C14orf180: variants seen among roughly 807,000 people sequenced by gnomAD.
C14orf180 encodes nutritionally-regulated adipose and cardiac enriched protein homolog.
C14orf180 carries 13 observed loss-of-function variants against 13.9 expected under a neutral mutation model. The ratio of observed to expected loss-of-function variants is 0.94; its 90% CI spans 0.61 to 1.49. C14orf180 has a LOEUF of 1.49. C14orf180 is among the 40% of genes most tolerant of loss of function. The pLI, the probability that C14orf180 is intolerant of heterozygous loss-of-function variation, is 0.00. For missense variants in C14orf180, 238 were observed against 232.0 expected (o/e 1.03, Z -0.17); for synonymous variants, 113 against 106.3 (o/e 1.06, Z -0.39).
In C14orf180 at chr14:104,587,840, G is replaced by C. The variant is rs199521419; in HGVS notation, c.203G>C (p.Arg68Pro). The change falls in exon 3 of 5, where the codon CGC becomes CCC. Residue 68 changes from arginine (R) to proline (P), a missense_variant. Coordinates refer to ENST00000557649, the MANE Select transcript of C14orf180 (RefSeq NM_001008404.3). The part of the protein sequence containing the change: ...PEAKPQRTSR[R>P]VWFREPPAVT... ...GCCAAGCCCCAGAGGACCTCGAGGCGCGTGTGGTTCCGAGAACCCCCAGCG... is the reference window on the plus strand; with the variant it reads ...GCCAAGCCCCAGAGGACCTCGAGGCCCGTGTGGTTCCGAGAACCCCCAGCG... 2 of 1,611,036 alleles carry C rather than the reference G, an allele frequency of 1.2e-6. No homozygotes were observed. Among genetic ancestry groups the C allele is most frequent in the Admixed American group, 3.4e-5 (2 of 59,696 alleles).
rs1337341016 is a variant in C14orf180, at chr14:104,589,139, C to T, written c.*356C>T. 6.5e-6 allele frequency: 3 copies of T among 464,922 alleles called. No individual in the cohort carries two copies. The highest frequency in any genetic ancestry group is 4.6e-5 in the South Asian group (1 of 21,762). 28.8% of individuals were successfully genotyped at this position (464,922 alleles called of 1,614,324 possible). A position where few individuals can be genotyped will look rare whatever the true frequency, so the allele number is the denominator to read the frequency against. ...CTGCTGCTGCTAGGGCCTGGCCCGG[C>T]CATCACCGTGTGCACCCTCTTGAGG... On this transcript the variant is annotated 3_prime_UTR_variant, in exon 5 of 5. Transcript: ENST00000557649. The surrounding 1 kb of genome is among the most constrained non-coding windows in gnomAD (Gnocchi z 4.9).
intron 1 of C14orf180, among the ~76,000 whole-genome samples, chr14:104,582,519 C>A: frequency 6.6e-6 from 1 of 152,192 alleles, no homozygotes; most frequent in African/African-American, 2.4e-5. Flanking sequence ...CCACCTCCCA[C>A]CAGCAGTACG....
intron 1 of C14orf180, among the ~76,000 whole-genome samples, chr14:104,581,777 T>A (rs1886444384): frequency 6.6e-6 from 1 of 151,994 alleles, no homozygotes; most frequent in South Asian, 2.1e-4. Flanking sequence ...AGCTCCCAAG[T>A]GAGTTGCCCT....
rs1399160940 is a variant in C14orf180 at position 104,588,727 on chromosome 14, G to C, written c.427G>C (p.Val143Leu). 2 of 1,535,874 alleles carry C rather than the reference G, an allele frequency of 1.3e-6. No individual in the cohort carries two copies. The highest frequency in any genetic ancestry group is 1.7e-6 in the Non-Finnish European group (2 of 1,146,460). Reference sequence around the variant, plus strand: ...CCTGCGGGCCCGGCTCCTCGGCCTTGTCCTGCACCTGCGGCACGTGGCCCT... The same window carrying C: ...CCTGCGGGCCCGGCTCCTCGGCCTTCTCCTGCACCTGCGGCACGTGGCCCT... ...EDLRARLLGL[V>L]LHLRHVALTC... The change falls in exon 5 of 5, where the codon GTC becomes CTC. Residue 143 changes from valine to leucine, a missense_variant. Transcript: ENST00000557649.
intron 4 of C14orf180, 109 bp downstream of exon 4, chr14:104,588,418 C>T (rs1886712387): frequency 2.6e-6 from 4 of 1,541,562 alleles, no homozygotes; most frequent in Non-Finnish European, 3.6e-6. Context: ...CTAAGGAGTC[C>T]CCAGTTGGGG....
At position 104,587,228 on chromosome 14, in the gene C14orf180, A is replaced by G. The variant is rs142628346; in HGVS notation, c.112-521A>G. 5.8e-3 allele frequency among the ~76,000 whole-genome samples: 882 copies of G among 152,294 alleles called. 9 individuals are homozygous for G. The highest frequency in any genetic ancestry group is 0.02 in the African/African-American group (847 of 41,554). ...GGCCCATACACGTGAGCAGACCAGC[A>G]GAGAAAGGGCCCAGGTAGGCAAATG... On this transcript the variant is annotated intron_variant, in intron 2 of 4. Coordinates refer to ENST00000557649, the MANE Select transcript of C14orf180 (RefSeq NM_001008404.3).
At chr14:104,580,958 C>T (rs1345537758) in intron 1 of C14orf180, among the ~76,000 whole-genome samples, 1 of 152,240 alleles carries the variant, frequency 6.6e-6, no homozygotes, top group African/African-American at 2.4e-5. Flanking sequence ...TGTGAGGGCC[C>T]ATCTAGGCAT....
intron 1 of C14orf180, among the ~76,000 whole-genome samples, chr14:104,583,978 C>T (rs1322678241): frequency 1.3e-5 from 2 of 152,168 alleles, no homozygotes; most frequent in African/African-American, 4.8e-5. Context: ...CTCTGACACA[C>T]GTGCCCACTC....
At chr14:104,586,323 C>A in intron 1 of C14orf180, 92 bp from the exon 2 acceptor site, 2 of 898,336 alleles carry the variant, frequency 2.2e-6, no homozygotes, top group Non-Finnish European at 3.2e-6. Context: ...GCCAGCCTGG[C>A]TTCCAGGAAA....
chr14:104,580,738 G>A (rs967331484), intron 1 of C14orf180, among the ~76,000 whole-genome samples: 16 of 92,590 alleles, frequency 1.7e-4, no homozygotes, highest in Non-Finnish European at 2.5e-4. Context: ...AGCACTGGAC[G>A]CCACGCCATT....
rs538979526 is a variant in C14orf180, at chr14:104,586,468, G to A, written c.38G>A (p.Arg13Gln). ...TAAGAVSPDSRPETRRQTRKN... is the reference protein window; with the variant it reads ...TAAGAVSPDSQPETRRQTRKN... ...GCAGGAGCCGTGAGCCCTGACTCCC[G>A]GCCAGAGACACGACGTCAGACCAGA... Residue 13 changes from arginine to glutamine, a missense_variant, in exon 2 of 5, where the codon CGG (arginine) becomes CAG (glutamine). Transcript: ENST00000557649. 17 of 1,549,510 alleles carry A rather than the reference G, an allele frequency of 1.1e-5. No individual in the cohort carries two copies. The highest frequency in any genetic ancestry group is 7.2e-5 in the South Asian group (6 of 83,176).
Position 104,587,807 on chromosome 14 carries a change from G to T in C14orf180, c.170G>T (p.Arg57Leu), listed in dbSNP as rs772655925. ...AAACGGAGCCGGCCGGAGCACCACC[G>T]CCCAGAGGCCAAGCCCCAGAGGACC... is the stretch of plus-strand genomic sequence containing the variant. ...ILKRSRPEHHRPEAKPQRTSR... is the reference protein window; with the variant it reads ...ILKRSRPEHHLPEAKPQRTSR... The change falls in exon 3 of 5, where the codon CGC (arginine) becomes CTC (leucine). Residue 57 changes from arginine to leucine, a missense_variant. By Grantham distance (102) the Arg-to-Leu change is moderately radical. Transcript: ENST00000557649. 1 of 1,612,388 alleles carries T rather than the reference G, an allele frequency of 6.2e-7. No individual in the cohort carries two copies. Among genetic ancestry groups the T allele is most frequent in the South Asian group, 1.1e-5 (1 of 90,748 alleles).
rs1403782341 is a variant in C14orf180, at chr14:104,589,712, G to A, written c.*929G>A. The A allele has an allele frequency of 1.3e-5, 2 of 152,504 alleles. No homozygotes were observed. The highest frequency in any genetic ancestry group is 2.9e-5 in the Non-Finnish European group (2 of 68,058). 9.4% of individuals were successfully genotyped at this position (152,504 alleles called of 1,614,324 possible). A position where few individuals can be genotyped will look rare whatever the true frequency, so the allele number is the denominator to read the frequency against. ...GGCAGAACTGCCCAGGAGAGACACA[G>A]GGACAATCAGACCAGCGTCCTCGAG... On this transcript the variant is annotated 3_prime_UTR_variant, in exon 5 of 5. Transcript: ENST00000557649. The surrounding 1 kb of genome is among the most constrained non-coding windows in gnomAD (Gnocchi z 4.9).
chr14:104,589,097 C>T lies in C14orf180; in HGVS notation c.*314C>T, dbSNP rs1033666690. 7.8e-6 allele frequency: 4 copies of T among 514,530 alleles called. No homozygotes were observed. Among genetic ancestry groups the T allele is most frequent in the Non-Finnish European group, 1.3e-5 (4 of 300,878 alleles). 31.9% of individuals were successfully genotyped at this position (514,530 alleles called of 1,614,324 possible). On this transcript the variant is annotated 3_prime_UTR_variant, in exon 5 of 5. Coordinates refer to ENST00000557649, the MANE Select transcript of C14orf180 (RefSeq NM_001008404.3). This position sits in a 1 kb window ranked among gnomAD's most constrained non-coding sequence, Gnocchi z 4.9. Reference sequence around the variant, plus strand: ...CAGGCTCACCCAAAGACCCCTCCCTCGTCCCAGCAGGAACTCCTGCTGCTG... The same window carrying T: ...CAGGCTCACCCAAAGACCCCTCCCTTGTCCCAGCAGGAACTCCTGCTGCTG...
intron 2 of C14orf180, 104 bp from the exon 3 acceptor site, chr14:104,587,645 G>A: frequency 8.3e-7 from 1 of 1,210,062 alleles, no homozygotes; most frequent in South Asian, 1.4e-5. Flanking sequence ...CCAGGACAGG[G>A]TACAGGTTCC....
intron 1 of C14orf180, chr14:104,581,508 T>C (rs1467580710): frequency 6.6e-6 from 1 of 152,098 alleles, no homozygotes; most frequent in Non-Finnish European, 1.5e-5. Context: ...TCTCAGCTGG[T>C]TGTGAGCCGC....
At chr14:104,580,826 T>TG (rs1001391812) in intron 1 of C14orf180, among the ~76,000 whole-genome samples, 6 of 152,152 alleles carry the variant, frequency 3.9e-5, no homozygotes, top group East Asian at 3.9e-4. Context: ...AGGAAGGGCC[T>TG]GGGGGGGTCC....
In C14orf180 at chr14:104,587,790, C is replaced by G; in HGVS notation, c.153C>G (p.Ser51Arg). ...RKCPPSILKRSRPEHHRPEAK... is the reference protein window; with the variant it reads ...RKCPPSILKRRRPEHHRPEAK... ...GCCCCCCCTCCATCCTGAAACGGAG[C>G]CGGCCGGAGCACCACCGCCCAGAGG... is the stretch of plus-strand genomic sequence containing the variant. The change falls in exon 3 of 5, where the codon AGC becomes AGG. Residue 51 changes from serine to arginine, a missense_variant. Transcript: ENST00000557649. 1 of 1,612,584 alleles carries G rather than the reference C, an allele frequency of 6.2e-7. No homozygotes were observed. Among genetic ancestry groups the G allele is most frequent in the South Asian group, 1.1e-5 (1 of 90,796 alleles).
chr14:104,580,450 G>A (rs183968510), intron 1 of C14orf180, among the ~76,000 whole-genome samples: 107 of 152,316 alleles, frequency 7.0e-4, no homozygotes, highest in African/African-American at 2.4e-3. Context: ...GATGTTGCGC[G>A]AAACAGCCTG....
Sources: allele counts gnomAD v4.1 joint callset (sites outside exome capture counted in the v4.1 genomes callset), GRCh38; gene constraint gnomAD v4.1.1; non-coding constraint Gnocchi (gnomAD v3.1); transcripts MANE v1.5; gene names NCBI Gene and HGNC (gene_info 2026-07-23, HGNC 2026-07-21).